Variants in GPHN observed in about 807,000 individuals in gnomAD.
GPHN encodes gephyrin.
A neutral mutation model predicts 95.5 loss-of-function variants in GPHN; 17 were observed. That is an observed-to-expected ratio of 0.18 (90% CI 0.12 to 0.27). The LOEUF (loss-of-function observed/expected upper bound fraction) is 0.27. GPHN is among the 10% of genes least tolerant of loss of function. The pLI, the probability that GPHN is intolerant of heterozygous loss-of-function variation, is 1.00. For missense variants in GPHN, 660 were observed against 978.1 expected, an observed-to-expected ratio of 0.67 and a Z score of 4.34; for synonymous variants, 320 against 322.5, an observed-to-expected ratio of 0.99 and a Z score of 0.08.
At chr14:67,577,475 G>T in the GPHN span, 1 of 1,109,770 alleles carries the variant, frequency 9.0e-7, no homozygotes, top group Non-Finnish European at 1.3e-6. Flanking sequence ...GGTGGAGAAG[G>T]CCTGTGCAGT....
chr14:67,412,742 A>T, the GPHN span, among the ~76,000 whole-genome samples: 2 of 152,090 alleles, frequency 1.3e-5, no homozygotes, highest in Non-Finnish European at 2.9e-5. Flanking sequence ...TTATATATAG[A>T]GAGAGATGAT....
chr14:67,109,871 C>A (rs1267126141), intron 13 of GPHN, among the ~76,000 whole-genome samples: 1 of 151,952 alleles, frequency 6.6e-6, no homozygotes, highest in African/African-American at 2.4e-5. Context: ...ATGTAAATGG[C>A]AGTTCTTCAA....
At chr14:67,685,263 A>T in the GPHN span, 1 of 1,416,874 alleles carries the variant, frequency 7.1e-7, no homozygotes, top group Non-Finnish European at 9.7e-7. Context: ...AGAATAGCCC[A>T]AAACAGAAAA....
intron 1 of GPHN, among the ~76,000 whole-genome samples, chr14:66,648,208 T>A (rs186014157): frequency 1.3e-5 from 2 of 152,254 alleles, no homozygotes; most frequent in Non-Finnish European, 2.9e-5. Context: ...AAAAGACACG[T>A]ATTCAGGAAA....
chr14:66,567,110 G>T (rs1020362534), intron 1 of GPHN, among the ~76,000 whole-genome samples: 1 of 152,068 alleles, frequency 6.6e-6, no homozygotes, highest in Admixed American at 6.6e-5. Context: ...TATTTTTGGG[G>T]CATGGATGGC....
At chr14:67,336,823 T>TA in the GPHN span, 1 of 454,432 alleles carries the variant, frequency 2.2e-6, no homozygotes, top group South Asian at 1.6e-5. Context: ...CATTACTGAA[T>TA]TTACACTGAA....
chr14:67,636,318 A>T, the GPHN span, among the ~76,000 whole-genome samples: 10 of 152,340 alleles, frequency 6.6e-5, no homozygotes, highest in East Asian at 1.9e-3. Flanking sequence ...GTAATCATAT[A>T]TGAGCTCTAA....
At chr14:67,279,034 C>T in the GPHN span, 1 of 775,254 alleles carries the variant, frequency 1.3e-6, no homozygotes, top group Non-Finnish European at 1.9e-6. Context: ...TTCATGGATA[C>T]TTTTTCATAG....
chr14:67,199,410 A>G, the GPHN span: 1 of 1,613,828 alleles, frequency 6.2e-7, no homozygotes, highest in Non-Finnish European at 8.5e-7. Flanking sequence ...AAGTTGCTTT[A>G]TGATACTTTC....
At chr14:66,565,249 C>T (rs1263182563) in intron 1 of GPHN, among the ~76,000 whole-genome samples, 1 of 152,028 alleles carries the variant, frequency 6.6e-6, no homozygotes, top group Admixed American at 6.6e-5. Flanking sequence ...CTACTATTCT[C>T]TTTTAGCCAG....
chr14:66,621,376 A>C (rs1246953563), intron 1 of GPHN, among the ~76,000 whole-genome samples: 2 of 150,986 alleles, frequency 1.3e-5, no homozygotes, highest in Non-Finnish European at 3.0e-5. Flanking sequence ...CGGCCTCCCA[A>C]AGTGCTGGGA....
the GPHN span, among the ~76,000 whole-genome samples, chr14:67,518,191 G>T: frequency 1.1e-3 from 172 of 152,276 alleles, no homozygotes; most frequent in African/African-American, 3.9e-3. Context: ...CCCCTGCTTT[G>T]CCTTCGTGTC....
At chr14:67,511,144 G>A in the GPHN span, among the ~76,000 whole-genome samples, 1 of 152,058 alleles carries the variant, frequency 6.6e-6, no homozygotes, top group African/African-American at 2.4e-5. Context: ...CTTAATAACT[G>A]AAAGGAAACA....
chr14:66,867,993 T>C lies in GPHN; in HGVS notation c.295-11946T>C, dbSNP rs181173633. On this transcript the variant is annotated intron_variant, in intron 4 of 22. Coordinates refer to ENST00000478722, the MANE Select transcript of GPHN (RefSeq NM_020806.5). ...GGCACCTAGACATTCTGAATCAGAA[T>C]CTCTGGAAGTGGGGCCCAGCAATCT... Among the ~76,000 whole-genome samples the C allele has an allele frequency of 2.7e-3, 412 of 152,268 alleles. 2 individuals are homozygous for C. Among genetic ancestry groups the C allele is most frequent in the African/African-American group, 9.3e-3 (386 of 41,558 alleles).
chr14:67,134,210 G>A (rs2079901197), intron 17 of GPHN, among the ~76,000 whole-genome samples: 4 of 152,178 alleles, frequency 2.6e-5, no homozygotes, highest in South Asian at 2.1e-4. Flanking sequence ...CTTTTAGTGA[G>A]AAAGATCTCT....
chr14:67,695,934 G>A, the GPHN span: 14 of 523,658 alleles, frequency 2.7e-5, no homozygotes, highest in Non-Finnish European at 4.4e-5. Context: ...AGGGCTTAGG[G>A]CCTGTGGGAT....
chr14:67,198,848 C>T, the GPHN span: 1 of 602,754 alleles, frequency 1.7e-6, no homozygotes, highest in Non-Finnish European at 3.1e-6. Context: ...TTAAAATATT[C>T]AGACAAAGAA....
At chr14:66,709,080 T>C (rs1057077743) in intron 2 of GPHN, among the ~76,000 whole-genome samples, 1 of 152,132 alleles carries the variant, frequency 6.6e-6, no homozygotes, top group African/African-American at 2.4e-5. Context: ...CAGGAGATAT[T>C]CAGGTTAAAA....
At chr14:66,704,253 C>T (rs1286307049) in intron 2 of GPHN, among the ~76,000 whole-genome samples, 1 of 151,794 alleles carries the variant, frequency 6.6e-6, no homozygotes, top group Non-Finnish European at 1.5e-5. Context: ...AATATTAGAT[C>T]AACAAGAGAG....
Sources: allele counts gnomAD v4.1 joint callset (sites outside exome capture counted in the v4.1 genomes callset), GRCh38; gene constraint gnomAD v4.1.1; transcripts MANE v1.5; gene names NCBI Gene and HGNC (gene_info 2026-07-23, HGNC 2026-07-21).